Variants in ALDH1A3 observed in about 807,000 individuals in gnomAD.
ALDH1A3 encodes aldehyde dehydrogenase 1 family member A3, also known as retinaldehyde dehydrogenase 3.
In ALDH1A3, 28 loss-of-function variants were observed where a neutral mutation model predicts 57.5. The ratio of observed to expected loss-of-function variants is 0.49; its 90% CI spans 0.36 to 0.67. The LOEUF is 0.67. Among genes scored for constraint, ALDH1A3 ranks in the 30% least tolerant of loss-of-function variants. The pLI is 0.00. For missense variants in ALDH1A3, 507 were observed against 669.4 expected (o/e 0.76, Z 2.68); for synonymous variants, 281 against 264.8 (o/e 1.06, Z -0.59).
Position 100,894,090 on chromosome 15 carries a change from A to G in ALDH1A3, c.666+8A>G. On this transcript the variant is annotated splice_region_variant and intron_variant, in intron 6 of 12. Coordinates refer to ENST00000329841, the MANE Select transcript of ALDH1A3 (RefSeq NM_000693.4). The surrounding 1 kb of genome is among the most constrained non-coding windows in gnomAD (Gnocchi z 4.5). Reference sequence around the variant, plus strand: ...GGCTCTCTGATCAAAGAGGTGAGACATCCAAAAAGAAAATATCACATGTTC... The same window carrying G: ...GGCTCTCTGATCAAAGAGGTGAGACGTCCAAAAAGAAAATATCACATGTTC... 1 of 1,613,576 alleles carries G rather than the reference A, an allele frequency of 6.2e-7. No homozygotes were observed. Among genetic ancestry groups the G allele is most frequent in the Non-Finnish European group, 8.5e-7 (1 of 1,179,828 alleles).
chr15:100,902,625 C>A (rs1405752319), intron 9 of ALDH1A3, among the ~76,000 whole-genome samples: 2 of 152,240 alleles, frequency 1.3e-5, no homozygotes, highest in East Asian at 1.9e-4. Context: ...GTCCTCCGGG[C>A]AGAGAGCCGA....
At chr15:100,880,067 G>C (rs1257670402) in intron 1 of ALDH1A3, 61 bp downstream of exon 1, 6 of 1,221,758 alleles carry the variant, frequency 4.9e-6, no homozygotes, top group Non-Finnish European at 5.3e-6. Flanking sequence ...AGCCAGACTC[G>C]GGGCGGCGGG....
At position 100,916,560 on chromosome 15, in the gene ALDH1A3, C is replaced by G. The variant is rs2041931470; in HGVS notation, c.*1787C>G. 6.6e-6 allele frequency: 1 copy of G among 152,190 alleles called. No homozygotes were observed. Among genetic ancestry groups the G allele is most frequent in the Admixed American group, 6.5e-5 (1 of 15,278 alleles). 9.4% of individuals were successfully genotyped at this position (152,190 alleles called of 1,614,324 possible). A position where few individuals can be genotyped will look rare whatever the true frequency, so the allele number is the denominator to read the frequency against. ...TTAAAAATCTATAGGCCTGGGAATT[C>G]CGATCCTAGCTGCAGATCGCATCCC... On this transcript the variant is annotated 3_prime_UTR_variant, in exon 13 of 13. Transcript: ENST00000329841.
intron 12 of ALDH1A3, among the ~76,000 whole-genome samples, chr15:100,909,978 T>C (rs2041867246): frequency 1.3e-5 from 2 of 152,258 alleles, no homozygotes; most frequent in African/African-American, 4.8e-5. Context: ...GGGAACAGAC[T>C]CAAACGCTTC....
At position 100,887,644 on chromosome 15, in the gene ALDH1A3, G is replaced by T. The variant is rs1442316583; in HGVS notation, c.277G>T (p.Ala93Ser). 1 of 1,611,980 alleles carries T rather than the reference G, an allele frequency of 6.2e-7. No homozygotes were observed. Residue 93 changes from alanine to serine, a missense_variant, in exon 3 of 13, where the codon GCC becomes TCC. Ala to Ser is a moderately conservative substitution (Grantham distance 99). Around this residue, in one of 2 missense-constraint regions of ALDH1A3, gnomAD observed 432 missense variants for 608.4 expected, o/e 0.71. Coordinates refer to ENST00000329841, the MANE Select transcript of ALDH1A3 (RefSeq NM_000693.4). This position sits in a 1 kb window ranked among gnomAD's most constrained non-coding sequence, Gnocchi z 4.6. ...GGGCTCGCCATGGCGCCGGCTGGAT[G>T]CCCTGAGTCGTGGGCGGCTGCTGCA... ...QRGSPWRRLD[A>S]LSRGRLLHQL...
At chr15:100,913,492 T>C (rs1225155559) in intron 12 of ALDH1A3, 1 of 152,244 alleles carries the variant, frequency 6.6e-6, no homozygotes, top group Non-Finnish European at 1.5e-5. Context: ...GTTTCTATAA[T>C]CTCATTTTGC....
At position 100,916,353 on chromosome 15, in the gene ALDH1A3, A is replaced by T. The variant is rs371823276; in HGVS notation, c.*1580A>T. 3.3e-5 allele frequency: 5 copies of T among 152,460 alleles called. No homozygotes were observed. The highest frequency in any genetic ancestry group is 1.2e-4 in the African/African-American group (5 of 41,444). The allele number at this position is 152,460 out of a possible 1,614,324, so 9.4% of individuals were successfully genotyped here. A position where few individuals can be genotyped will look rare whatever the true frequency, so the allele number is the denominator to read the frequency against. ...TAGAGGGTTCCTATTCTTCCATTGT[A>T]CGATAATGTCTTTAATATGAAATGC... On this transcript the variant is annotated 3_prime_UTR_variant, in exon 13 of 13. Coordinates refer to ENST00000329841, the MANE Select transcript of ALDH1A3 (RefSeq NM_000693.4).
chr15:100,891,447 G>A (rs1045348035), intron 3 of ALDH1A3, among the ~76,000 whole-genome samples: 2 of 152,252 alleles, frequency 1.3e-5, no homozygotes, highest in African/African-American at 2.4e-5. Context: ...GGAGCAGCCT[G>A]TAAAGGCCAG....
rs868455195 is a variant in ALDH1A3, at chr15:100,894,503, C to T, written c.666+421C>T. ...TGGGCGGCTGCAGCAGTCCGTGTGC[C>T]GGGTCCCTGCTAATCAGTGCCCTCT... On this transcript the variant is annotated intron_variant, in intron 6 of 12. Coordinates refer to ENST00000329841, the MANE Select transcript of ALDH1A3 (RefSeq NM_000693.4). This position sits in a 1 kb window ranked among gnomAD's most constrained non-coding sequence, Gnocchi z 4.5. The T allele has an allele frequency of 2.1e-5, 4 of 186,680 alleles. No homozygotes were observed. Among genetic ancestry groups the T allele is most frequent in the South Asian group, 1.1e-4 (1 of 9,066 alleles). The allele number at this position is 186,680 out of a possible 1,614,324, so 11.6% of individuals were successfully genotyped here. A position where few individuals can be genotyped will look rare whatever the true frequency, so the allele number is the denominator to read the frequency against.
At chr15:100,886,105 G>A (rs765087389) in intron 2 of ALDH1A3, among the ~76,000 whole-genome samples, 3 of 152,248 alleles carry the variant, frequency 2.0e-5, no homozygotes, top group Non-Finnish European at 4.4e-5. Flanking sequence ...AACTGATGAC[G>A]TTGGAAGTGG....
At chr15:100,904,892 G>A (rs1490203371) in intron 9 of ALDH1A3, among the ~76,000 whole-genome samples, 1 of 152,214 alleles carries the variant, frequency 6.6e-6, no homozygotes, top group Non-Finnish European at 1.5e-5. Flanking sequence ...CCCCAGGGGT[G>A]TTGAGTAAGG....
rs201386727 is a variant in ALDH1A3, at chr15:100,907,154, A to G, written c.1267A>G (p.Lys423Glu). 1.2e-5 allele frequency: 20 copies of G among 1,614,170 alleles called. No individual in the cohort carries two copies. In the East Asian group the frequency reaches 3.6e-4, roughly 29 times the overall value. ...GCCAGTGCAACCAATACTGAAGTTC[A>G]AAAGTATCGAAGAAGTGATAAAAAG... The part of the protein sequence containing the change: ...FGPVQPILKF[K>E]SIEEVIKRAN... The change falls in exon 11 of 13, where the codon AAA (lysine) becomes GAA (glutamate). Residue 423 changes from lysine to glutamate, a missense_variant. Physicochemically the swap from Lys to Glu is moderately conservative, Grantham distance 56. Coordinates refer to ENST00000329841, the MANE Select transcript of ALDH1A3 (RefSeq NM_000693.4).
rs147498604 is a variant in ALDH1A3, at chr15:100,907,262, G to C, written c.1375G>C (p.Glu459Gln). 1 of 1,614,228 alleles carries C rather than the reference G, an allele frequency of 6.2e-7. No individual in the cohort carries two copies. The highest frequency in any genetic ancestry group is 8.5e-7 in the Non-Finnish European group (1 of 1,180,036). Residue 459 changes from glutamate (E) to glutamine (Q), a missense_variant, in exon 11 of 13, where the codon GAG becomes CAG. Glu to Gln is a conservative substitution (Grantham distance 29). This residue lies in a region of ALDH1A3 where 432 missense variants were observed against 608.4 expected (regional missense o/e 0.71). Coordinates refer to ENST00000329841, the MANE Select transcript of ALDH1A3 (RefSeq NM_000693.4). ...AGCCCTGAAGTTGGCTTCTGCCTTA[G>C]AGTCTGGAACGGTCTGGTGAGTTGA... ...DKALKLASAL[E>Q]SGTVWINCYN...
At chr15:100,895,646 A>T (rs985693133) in intron 6 of ALDH1A3, 3 of 447,654 alleles carry the variant, frequency 6.7e-6, no homozygotes, top group African/African-American at 5.8e-5. Flanking sequence ...CTTGAAGCAT[A>T]ACCACACATT....
Position 100,914,532 on chromosome 15 carries a change from A to G in ALDH1A3, c.1467-169A>G, listed in dbSNP as rs1318583319. On this transcript the variant is annotated intron_variant, in intron 12 of 12. Coordinates refer to ENST00000329841, the MANE Select transcript of ALDH1A3 (RefSeq NM_000693.4). The stretch of plus-strand genomic sequence containing the variant: ...TTAAGTCACATATGCAGCTACTGAC[A>G]CTTACTAGTGCTGTTATAGTCCTGG... 6.9e-6 allele frequency: 4 copies of G among 581,616 alleles called. No individual in the cohort carries two copies. The African/African-American group carries it at 7.4e-5, about 11-fold the overall frequency. 36.0% of individuals were successfully genotyped at this position (581,616 alleles called of 1,614,324 possible). A position where few individuals can be genotyped will look rare whatever the true frequency, so the allele number is the denominator to read the frequency against.
chr15:100,904,174 A>C (rs1380576991), intron 9 of ALDH1A3, among the ~76,000 whole-genome samples: 7 of 151,538 alleles, frequency 4.6e-5, no homozygotes, highest in Non-Finnish European at 8.8e-5. Context: ...GATCTGAGTT[A>C]GTATTTTTAA....
chr15:100,891,685 C>G (rs1011710011), intron 3 of ALDH1A3, among the ~76,000 whole-genome samples: 1 of 152,372 alleles, frequency 6.6e-6, no homozygotes, highest in Non-Finnish European at 1.5e-5. Context: ...GACTCTTCCA[C>G]AAGAATCCAG....
intron 3 of ALDH1A3, among the ~76,000 whole-genome samples, chr15:100,891,535 G>A (rs563670266): frequency 3.3e-5 from 5 of 152,388 alleles, no homozygotes; most frequent in South Asian, 2.1e-4. Context: ...TCACTGGGCC[G>A]TTAGCGTCCG....
At chr15:100,900,550 G>T (rs117381623) in intron 8 of ALDH1A3, 25 bp from the exon 9 acceptor site, 2 of 1,556,072 alleles carry the variant, frequency 1.3e-6, no homozygotes, top group African/African-American at 1.4e-5. Flanking sequence ...CGCTCTGCCC[G>T]CCTCCCTCGC....
Sources: gnomAD v4.1 joint callset for allele counts (sites outside exome capture counted in the v4.1 genomes callset) on GRCh38, gnomAD v4.1.1 for gene constraint, gnomAD v4.1.1 regional missense constraint, Gnocchi (gnomAD v3.1) non-coding constraint, MANE v1.5 for transcripts, NCBI Gene and HGNC (gene_info 2026-07-23, HGNC 2026-07-21) for gene names.